Variants in RAB27B observed in about 807,000 individuals in gnomAD.
RAB27B encodes the protein RAB27B, member RAS oncogene family, also known as ras-related protein Rab-27B.
In RAB27B, 15 loss-of-function variants were observed where a neutral mutation model predicts 24.6. The observed-to-expected ratio is 0.61, with a 90% CI of 0.41 to 0.94. The LOEUF is 0.94. RAB27B is among the 40% of genes least tolerant of loss of function. The pLI is 0.00. For synonymous variants in RAB27B, 105 were observed against 92.5 expected (o/e 1.14, Z -0.78); for missense variants, 261 against 266.8 (o/e 0.98, Z 0.15).
At chr18:54,852,503 C>T (rs560866015) in intron 1 of RAB27B, among the ~76,000 whole-genome samples, 3 of 152,280 alleles carry the variant, frequency 2.0e-5, no homozygotes, top group African/African-American at 4.8e-5. Flanking sequence ...TCAGCAGATG[C>T]TTATCTCAGC....
intron 1 of RAB27B, among the ~76,000 whole-genome samples, chr18:54,853,183 G>A (rs1911654825): frequency 6.6e-6 from 1 of 152,114 alleles, no homozygotes; most frequent in African/African-American, 2.4e-5. Context: ...AGGATATGCT[G>A]TGTTCCGAGT....
chr18:54,877,983 A>T lies in RAB27B; in HGVS notation c.153+245A>T, dbSNP rs73489409. On this transcript the variant is annotated intron_variant, in intron 2 of 5. Transcript: ENST00000262094. ...ACAAGGCAACCCAAATCAATATTTT[A>T]CTGATTTGCATAGTGTGTTTTCTAC... is the stretch of plus-strand genomic sequence containing the variant. Among the ~76,000 whole-genome samples, 399 of 152,306 alleles carry T rather than the reference A, an allele frequency of 2.6e-3. 5 individuals are homozygous for T. Among genetic ancestry groups the T allele is most frequent in the African/African-American group, 9.2e-3 (383 of 41,574 alleles).
Position 54,876,241 on chromosome 18 carries a change from A to G in RAB27B, c.-19-1326A>G, listed in dbSNP as rs539235083. On this transcript the variant is annotated intron_variant, in intron 1 of 5. Coordinates refer to ENST00000262094, the MANE Select transcript of RAB27B (RefSeq NM_004163.4). ...TGGGGGAAACCACCCCCATGATTCA[A>G]TTACCTCCACCTGGTCTCTCCCTTG... Among the ~76,000 whole-genome samples, 8 of 152,278 alleles carry G rather than the reference A, an allele frequency of 5.3e-5. No individual in the cohort carries two copies. The South Asian group carries it at 1.7e-3, about 32-fold the overall frequency.
intron 2 of RAB27B, among the ~76,000 whole-genome samples, chr18:54,801,580 G>A (rs939523837): frequency 8.5e-5 from 13 of 152,056 alleles, no homozygotes; most frequent in African/African-American, 2.9e-4. Context: ...TCAGGTTCAG[G>A]CATGTTGACA....
chr18:54,771,791 C>T (rs1908560585), intron 2 of RAB27B, among the ~76,000 whole-genome samples: 1 of 152,100 alleles, frequency 6.6e-6, no homozygotes, highest in Non-Finnish European at 1.5e-5. Flanking sequence ...GAAATCTTCA[C>T]TCAGTTTTTC....
intron 2 of RAB27B, among the ~76,000 whole-genome samples, chr18:54,782,748 T>C (rs1461045005): frequency 6.6e-6 from 1 of 152,180 alleles, no homozygotes; most frequent in Admixed American, 6.5e-5. Flanking sequence ...TTGTACAATT[T>C]TAGAAAATCA....
At chr18:54,779,610 C>G (rs568020772) in intron 2 of RAB27B, among the ~76,000 whole-genome samples, 1 of 152,240 alleles carries the variant, frequency 6.6e-6, no homozygotes, top group African/African-American at 2.4e-5. Flanking sequence ...GAAAGCTATT[C>G]CTTCAGTTGG....
At chr18:54,751,500 G>A (rs1907830672) in intron 2 of RAB27B, among the ~76,000 whole-genome samples, 1 of 152,142 alleles carries the variant, frequency 6.6e-6, no homozygotes, top group Non-Finnish European at 1.5e-5. Context: ...GTCGGCATAT[G>A]AGAAATTAAA....
At chr18:54,818,731 A>G (rs1910199043) in intron 2 of RAB27B, among the ~76,000 whole-genome samples, 1 of 152,176 alleles carries the variant, frequency 6.6e-6, no homozygotes, top group Admixed American at 6.6e-5. Context: ...AGAGGTTTGA[A>G]TGCTCTATAA....
chr18:54,893,084 A>C lies in RAB27B; in HGVS notation c.*3671A>C, dbSNP rs1472327378. ...GAGTGCAGCAGTTAGAAAGAGAAGC[A>C]ATATTGTGCAACTGGTGCAGTGGTG... On this transcript the variant is annotated 3_prime_UTR_variant, in exon 6 of 6. Transcript: ENST00000262094. 6.6e-6 allele frequency: 1 copy of C among 152,090 alleles called. No individual in the cohort carries two copies. Among genetic ancestry groups the C allele is most frequent in the Non-Finnish European group, 1.5e-5 (1 of 67,948 alleles). The allele number at this position is 152,090 out of a possible 1,614,324, so 9.4% of individuals were successfully genotyped here.
intron 2 of RAB27B, among the ~76,000 whole-genome samples, chr18:54,783,951 T>C (rs1384743522): frequency 6.6e-6 from 1 of 152,168 alleles, no homozygotes; most frequent in Non-Finnish European, 1.5e-5. Flanking sequence ...TGACCAGAGG[T>C]AGGGTCAATG....
intron 2 of RAB27B, among the ~76,000 whole-genome samples, chr18:54,753,684 C>G (rs1487762481): frequency 6.6e-6 from 1 of 152,146 alleles, no homozygotes; most frequent in Non-Finnish European, 1.5e-5. Context: ...TGTCTATAAG[C>G]TTTCACAGGT....
chr18:54,831,659 T>C (rs1910683919), intron 1 of RAB27B, among the ~76,000 whole-genome samples: 1 of 152,124 alleles, frequency 6.6e-6, no homozygotes, highest in Non-Finnish European at 1.5e-5. Context: ...AATTAGTAAT[T>C]CTGGAACTTT....
intron 2 of RAB27B, among the ~76,000 whole-genome samples, chr18:54,728,875 C>CAAAAAA (rs56161105): frequency 1.1e-4 from 4 of 36,660 alleles, no homozygotes; most frequent in South Asian, 2.6e-3. Context: ...GACTCTGTCT[C>CAAAAAA]AAAAAAAAAA....
chr18:54,853,120 T>A (rs1334891006), intron 1 of RAB27B, among the ~76,000 whole-genome samples: 2 of 152,194 alleles, frequency 1.3e-5, no homozygotes, highest in African/African-American at 4.8e-5. Flanking sequence ...TTGCATATGG[T>A]TGATGTTCAG....
rs183910111 is a variant in RAB27B at position 54,891,130 on chromosome 18, C to T, written c.*1717C>T. ...ATTGAAGACCCTAAAAATCCCAGTC[C>T]ATCATTCAGCTTACCTCTGCGAACT... On this transcript the variant is annotated 3_prime_UTR_variant, in exon 6 of 6. Transcript: ENST00000262094. The T allele has an allele frequency of 2.0e-5, 3 of 152,044 alleles. No individual in the cohort carries two copies. Among genetic ancestry groups the T allele is most frequent in the African/African-American group, 7.2e-5 (3 of 41,496 alleles). 9.4% of individuals were successfully genotyped at this position (152,044 alleles called of 1,614,324 possible).
intron 1 of RAB27B, among the ~76,000 whole-genome samples, chr18:54,871,308 C>A (rs1005175241): frequency 6.6e-6 from 1 of 152,144 alleles, no homozygotes; most frequent in Non-Finnish European, 1.5e-5. Context: ...TTAATTCTAA[C>A]CTTCAGGACA....
At chr18:54,854,283 A>C (rs1487614219) in intron 1 of RAB27B, among the ~76,000 whole-genome samples, 1 of 152,170 alleles carries the variant, frequency 6.6e-6, no homozygotes, top group Non-Finnish European at 1.5e-5. Flanking sequence ...CCTCCCACCC[A>C]TCCACATACA....
intron 2 of RAB27B, among the ~76,000 whole-genome samples, chr18:54,752,818 A>G (rs971179608): frequency 4.6e-5 from 7 of 152,114 alleles, no homozygotes; most frequent in African/African-American, 1.2e-4. Flanking sequence ...CTGCATATTT[A>G]TAGTTGCCTG....
Sources: allele counts gnomAD v4.1 joint callset (sites outside exome capture counted in the v4.1 genomes callset), GRCh38; gene constraint gnomAD v4.1.1; transcripts MANE v1.5; gene names NCBI Gene and HGNC (gene_info 2026-07-23, HGNC 2026-07-21).